Variants in MAST4 observed in about 807,000 individuals in gnomAD.
MAST4 encodes the protein microtubule associated serine/threonine kinase family member 4.
Under a neutral mutation model 162.7 loss-of-function variants are expected in MAST4, and 89 were observed. The observed-to-expected ratio is 0.55, with a 90% CI of 0.46 to 0.65. The LOEUF (loss-of-function observed/expected upper bound fraction) is 0.65, where lower values mean the gene tolerates loss of function less well. MAST4 is among the 30% of genes least tolerant of loss of function. MAST4 has a pLI of 0.00. For synonymous variants in MAST4, 1,479 were observed against 1,361.1 expected (o/e 1.09, Z -1.91); for missense variants, 3,153 against 3,374.0 (o/e 0.93, Z 1.62).
chr5:66,912,793 G>A (rs368749473), intron 4 of MAST4, among the ~76,000 whole-genome samples: 3 of 152,152 alleles, frequency 2.0e-5, no homozygotes, highest in African/African-American at 7.2e-5. Flanking sequence ...GATGATGGTG[G>A]TGATTGTCTT....
chr5:66,691,720 T>G (rs1249817515), intron 1 of MAST4, among the ~76,000 whole-genome samples: 1 of 152,106 alleles, frequency 6.6e-6, no homozygotes, highest in African/African-American at 2.4e-5. Context: ...ATAAGGGCAT[T>G]AATCCTATTA....
At position 67,004,127 on chromosome 5, in the gene MAST4, C is replaced by T. The variant is rs962156596; in HGVS notation, c.675-50277C>T. On this transcript the variant is annotated intron_variant, in intron 4 of 28. Transcript: ENST00000403625. ...CGGGTTTATTTATTTATTTCCGGGA[C>T]GGATCCATTCCGGGCTCCGGGGAGG... 2.2e-4 allele frequency among the ~76,000 whole-genome samples: 33 copies of T among 152,312 alleles called. 1 individual carries two copies. The highest frequency in any genetic ancestry group is 3.4e-4 in the Non-Finnish European group (23 of 68,030).
At chr5:67,088,807 T>A (rs564998422) in intron 5 of MAST4, among the ~76,000 whole-genome samples, 21 of 152,360 alleles carry the variant, frequency 1.4e-4, no homozygotes, top group African/African-American at 5.1e-4. Flanking sequence ...GTTAAATGGC[T>A]GTGATTGTGC....
chr5:66,670,639 AG>A (rs1747546043), intron 1 of MAST4, among the ~76,000 whole-genome samples: 1 of 152,154 alleles, frequency 6.6e-6, no homozygotes, highest in Non-Finnish European at 1.5e-5. Flanking sequence ...GATGCCGGGC[AG>A]TGTATCTCAC....
chr5:66,843,840 G>A (rs935741853), intron 3 of MAST4, among the ~76,000 whole-genome samples: 2 of 152,066 alleles, frequency 1.3e-5, no homozygotes, highest in Middle Eastern at 3.2e-3. Flanking sequence ...GCTCATACTT[G>A]GAGCACAAAG....
intron 1 of MAST4, among the ~76,000 whole-genome samples, chr5:66,612,348 C>T (rs1743343987): frequency 1.3e-5 from 2 of 152,146 alleles, no homozygotes; most frequent in Non-Finnish European, 2.9e-5. Context: ...CTTCACATAA[C>T]GAGTGCTGGT....
chr5:67,152,976 G>A (rs750569324), intron 25 of MAST4, 110 bp downstream of exon 25: 7 of 899,736 alleles, frequency 7.8e-6, no homozygotes, highest in Admixed American at 4.7e-5. Context: ...TTGCATTTGC[G>A]ACCTGTTTCA....
chr5:66,983,182 A>T (rs148424478), intron 4 of MAST4, among the ~76,000 whole-genome samples: 5 of 152,172 alleles, frequency 3.3e-5, no homozygotes, highest in Non-Finnish European at 7.4e-5. Context: ...CATTAGGAGG[A>T]TATGAAATGT....
intron 1 of MAST4, among the ~76,000 whole-genome samples, chr5:66,660,345 G>A (rs1043835549): frequency 1.3e-5 from 2 of 151,970 alleles, no homozygotes; most frequent in Non-Finnish European, 1.5e-5. Flanking sequence ...CCGAGATCGC[G>A]CCATAGCACT....
At chr5:66,833,948 G>A (rs529816493) in intron 3 of MAST4, among the ~76,000 whole-genome samples, 57 of 152,230 alleles carry the variant, frequency 3.7e-4, no homozygotes, top group African/African-American at 8.9e-4. Flanking sequence ...CCATGTCCAC[G>A]TCTGTAAAAT....
At chr5:67,105,259 A>ATATATTG (rs534967496) in intron 10 of MAST4, among the ~76,000 whole-genome samples, 305 of 152,288 alleles carry the variant, frequency 2.0e-3, no homozygotes, top group African/African-American at 7.0e-3. Flanking sequence ...ATGTATTTGT[A>ATATATTG]TATATTGTAT....
intron 1 of MAST4, among the ~76,000 whole-genome samples, chr5:66,724,256 G>A (rs1409784548): frequency 2.6e-5 from 4 of 152,142 alleles, no homozygotes; most frequent in African/African-American, 7.2e-5. Context: ...GTAGGTTGTT[G>A]ATTTAAAAAT....
intron 4 of MAST4, among the ~76,000 whole-genome samples, chr5:67,007,562 T>C (rs1426291153): frequency 6.6e-6 from 1 of 152,236 alleles, no homozygotes; most frequent in African/African-American, 2.4e-5. Flanking sequence ...TTATCTTAGC[T>C]TTTTCTTTAA....
intron 2 of MAST4, among the ~76,000 whole-genome samples, chr5:66,778,813 G>A (rs1307115033): frequency 6.6e-6 from 1 of 152,122 alleles, no homozygotes; most frequent in Non-Finnish European, 1.5e-5. Flanking sequence ...TTGAGTTTCT[G>A]CTCCATAGCC....
chr5:66,946,272 C>G (rs796453123), intron 4 of MAST4, among the ~76,000 whole-genome samples: 2 of 152,222 alleles, frequency 1.3e-5, no homozygotes, highest in African/African-American at 4.8e-5. Flanking sequence ...TTCTTTAACT[C>G]TTTTTGTTGC....
intron 4 of MAST4, among the ~76,000 whole-genome samples, chr5:66,978,853 CTG>C (rs1485823046): frequency 2.0e-5 from 3 of 152,096 alleles, no homozygotes; most frequent in Non-Finnish European, 4.4e-5. Context: ...TAGGACATGT[CTG>C]GAGGTTTTTT....
In MAST4 at chr5:66,799,211, T is replaced by C. The variant is rs571307431; in HGVS notation, c.642+10417T>C. On this transcript the variant is annotated intron_variant, in intron 3 of 28. Coordinates refer to ENST00000403625, the MANE Select transcript of MAST4 (RefSeq NM_001164664.2). ...CTTCCTTATTCTGGAAAGAAAACTC[T>C]TCTCTATGTAACTCTCTTCTCTGCC... is the stretch of plus-strand genomic sequence containing the variant. Among the ~76,000 whole-genome samples, 142 of 152,320 alleles carry C rather than the reference T, an allele frequency of 9.3e-4. 1 individual carries two copies. Among genetic ancestry groups the C allele is most frequent in the African/African-American group, 3.3e-3 (137 of 41,568 alleles).
intron 1 of MAST4, among the ~76,000 whole-genome samples, chr5:66,660,806 A>G (rs1235971444): frequency 6.6e-6 from 1 of 152,232 alleles, no homozygotes; most frequent in Non-Finnish European, 1.5e-5. Context: ...TAAAAGTAAT[A>G]TAATTGAATT....
At chr5:66,779,686 G>A (rs1754763614) in intron 2 of MAST4, among the ~76,000 whole-genome samples, 1 of 152,130 alleles carries the variant, frequency 6.6e-6, no homozygotes, top group Non-Finnish European at 1.5e-5. Flanking sequence ...TTGCCCATGA[G>A]GATGAGAGTC....
Sources: gnomAD v4.1 joint callset for allele counts (sites outside exome capture counted in the v4.1 genomes callset) on GRCh38, gnomAD v4.1.1 for gene constraint, MANE v1.5 for transcripts, NCBI Gene and HGNC (gene_info 2026-07-23, HGNC 2026-07-21) for gene names.